CACNB1: variants seen among roughly 807,000 people sequenced by gnomAD.
The protein encoded by CACNB1 is voltage-dependent L-type calcium channel subunit beta-1.
A neutral mutation model predicts 71.6 loss-of-function variants in CACNB1; 29 were observed. That is an observed-to-expected ratio of 0.40 (90% CI 0.30 to 0.55). The LOEUF is 0.55. CACNB1 is among the 20% of genes least tolerant of loss of function. CACNB1 has a pLI of 0.38. For missense variants in CACNB1, 623 were observed against 801.8 expected, an observed-to-expected ratio of 0.78 and a Z score of 2.69; for synonymous variants, 300 against 319.6, an observed-to-expected ratio of 0.94 and a Z score of 0.65.
chr17:39,185,733 C>T (rs140103608), intron 6 of CACNB1, among the ~76,000 whole-genome samples: 2 of 152,140 alleles, frequency 1.3e-5, no homozygotes, highest in African/African-American at 4.8e-5. Flanking sequence ...TGGGGGCAAC[C>T]TTCCAAGGGC....
chr17:39,184,645 G>T, intron 8 of CACNB1, 139 bp downstream of exon 8: 1 of 677,768 alleles, frequency 1.5e-6, no homozygotes, highest in Non-Finnish European at 2.6e-6. Context: ...TGTGGATTGG[G>T]CCCCCTGGGG....
chr17:39,180,442 G>T (rs1450411222), intron 11 of CACNB1, among the ~76,000 whole-genome samples: 1 of 151,800 alleles, frequency 6.6e-6, no homozygotes, highest in Admixed American at 6.6e-5. Flanking sequence ...ATCTTTTGAG[G>T]TCGGGAGTTC....
Position 39,194,946 on chromosome 17 carries a change from G to A in CACNB1, c.109C>T (p.Arg37Ter), listed in dbSNP as rs1194456402. The change falls in exon 2 of 14, where the codon CGA becomes TGA. Residue 37 changes from arginine (R) to a stop codon, truncating the protein, a stop_gained. Transcript: ENST00000394303. LOFTEE classifies it high-confidence loss of function. The surrounding 1 kb of genome is among the most constrained non-coding windows in gnomAD (Gnocchi z 4.6). Reference sequence around the variant, plus strand: ...GTGCTCCCATCTGACCGTTTGAATCGCCCTTTCCTCTTGCTGTATTTGCCC... The same window carrying A: ...GTGCTCCCATCTGACCGTTTGAATCACCCTTTCCTCTTGCTGTATTTGCCC... Reference protein sequence around the residue: ...PQGKYSKRKGRFKRSDGSTSS... With the variant: ...PQGKYSKRKG 1 of 1,612,570 alleles carries A rather than the reference G, an allele frequency of 6.2e-7. No homozygotes were observed. Among genetic ancestry groups the A allele is most frequent in the Non-Finnish European group, 8.5e-7 (1 of 1,178,908 alleles).
rs1012602820 is a variant in CACNB1, at chr17:39,175,084, G to T, written c.*109C>A. 80 of 903,448 alleles carry T rather than the reference G, an allele frequency of 8.9e-5. No individual in the cohort carries two copies. The highest frequency in any genetic ancestry group is 5.1e-4 in the East Asian group (21 of 41,184). The allele number at this position is 903,448 out of a possible 1,614,324, so 56.0% of individuals were successfully genotyped here. ...AAGCTTTGAGCAAAGGCATCTGAAA[G>T]GAGGGAGACAGCGCCCCCTGGAGGC... On this transcript the variant is annotated 3_prime_UTR_variant, in exon 14 of 14. Transcript: ENST00000394303. The surrounding 1 kb of genome is among the most constrained non-coding windows in gnomAD (Gnocchi z 4.7).
chr17:39,182,515 A>G (rs2045798443), intron 11 of CACNB1, among the ~76,000 whole-genome samples: 1 of 151,826 alleles, frequency 6.6e-6, no homozygotes, highest in Non-Finnish European at 1.5e-5. Flanking sequence ...CCTGGCCAAC[A>G]TGGTGAAACC....
chr17:39,184,037 T>C lies in CACNB1; in HGVS notation c.892A>G (p.Ser298Gly), dbSNP rs757968830. 1 of 1,610,646 alleles carries C rather than the reference T, an allele frequency of 6.2e-7. No individual in the cohort carries two copies. Among genetic ancestry groups the C allele is most frequent in the Non-Finnish European group, 8.5e-7 (1 of 1,177,212 alleles). ...IIIERSNTRS[S>G]LAEVQSEIER... is the part of the protein sequence containing the mutation. ...ACAGCAGGAGTAGGCTCACCCAGGC[T>C]GGAGCGTGTGTTGGAGCGCTCAATG... Residue 298 changes from serine (S) to glycine (G), a missense_variant, in exon 10 of 14, where the codon AGC becomes GGC. Ser to Gly is a moderately conservative substitution (Grantham distance 56). Transcript: ENST00000394303.
chr17:39,175,301 C>T lies in CACNB1; in HGVS notation c.1689G>A (p.Arg563=). The change falls in exon 14 of 14, where the codon CGG becomes CGA. Residue 563 remains arginine (R), a synonymous_variant. Coordinates refer to ENST00000394303, the MANE Select transcript of CACNB1 (RefSeq NM_000723.5). The surrounding 1 kb of genome is among the most constrained non-coding windows in gnomAD (Gnocchi z 4.7). ...EDYEEELTDN[R]NRGRNKARYC... is the part of the protein sequence containing the mutation. ...AGCGGGCCTTATTCCGGCCCCGGTT[C>T]CGGTTGTCGGTCAGCTCTTCCTCAT... 1 of 1,614,184 alleles carries T rather than the reference C, an allele frequency of 6.2e-7. No homozygotes were observed. The highest frequency in any genetic ancestry group is 8.5e-7 in the Non-Finnish European group (1 of 1,180,028).
At chr17:39,195,662 G>A (rs966982925) in intron 1 of CACNB1, among the ~76,000 whole-genome samples, 25 of 152,140 alleles carry the variant, frequency 1.6e-4, no homozygotes, top group Non-Finnish European at 2.8e-4. Flanking sequence ...CTCATCCCTT[G>A]CCCAGACAGG....
chr17:39,184,948 G>T, intron 7 of CACNB1, 84 bp from the exon 8 acceptor site: 1 of 1,105,384 alleles, frequency 9.0e-7, no homozygotes, highest in Non-Finnish European at 1.4e-6. Context: ...CCCCCATGCA[G>T]CCTTCCCCCA....
At chr17:39,178,599 T>C (rs1234692040) in intron 11 of CACNB1, among the ~76,000 whole-genome samples, 1 of 152,022 alleles carries the variant, frequency 6.6e-6, no homozygotes, top group African/African-American at 2.4e-5. Context: ...CCCAGGCTGG[T>C]CTGAAACTCC....
chr17:39,185,901 G>T lies in CACNB1; in HGVS notation c.628+595C>A, dbSNP rs776257192. 1.9e-6 allele frequency: 3 copies of T among 1,580,578 alleles called. No individual in the cohort carries two copies. The African/African-American group carries it at 4.0e-5, about 21-fold the overall frequency. On this transcript the variant is annotated intron_variant, in intron 6 of 13. Coordinates refer to ENST00000394303, the MANE Select transcript of CACNB1 (RefSeq NM_000723.5). The stretch of plus-strand genomic sequence containing the variant: ...TTACAGCCCCCTTCCCTCCACCAAA[G>T]TGCTGGCCCTGACTCCCCCACCTCT...
rs1375032337 is a variant in CACNB1 at position 39,174,662 on chromosome 17, T to C, written c.*531A>G. ...AGCTCCCCATGGGGTGTCCATGCTA[T>C]GGCTTTCACCGACCAGACGATGCTG... On this transcript the variant is annotated 3_prime_UTR_variant, in exon 14 of 14. Coordinates refer to ENST00000394303, the MANE Select transcript of CACNB1 (RefSeq NM_000723.5). The C allele has an allele frequency of 6.5e-6, 1 of 154,498 alleles. No individual in the cohort carries two copies. Among genetic ancestry groups the C allele is most frequent in the Non-Finnish European group, 1.4e-5 (1 of 69,688 alleles). 9.6% of individuals were successfully genotyped at this position (154,498 alleles called of 1,614,324 possible).
At chr17:39,185,003 G>A in intron 7 of CACNB1, 128 bp downstream of exon 7, 1 of 1,007,956 alleles carries the variant, frequency 9.9e-7, no homozygotes, top group Non-Finnish European at 1.6e-6. Flanking sequence ...TGGGGGTGGG[G>A]AGGGATGGCC....
chr17:39,184,263 C>T, intron 9 of CACNB1, 62 bp downstream of exon 9: 1 of 1,312,304 alleles, frequency 7.6e-7, no homozygotes, highest in Non-Finnish European at 1.1e-6. Context: ...TTCGAGGCAT[C>T]CTGCCCATCC....
At chr17:39,193,785 C>T in intron 2 of CACNB1, 2 of 201,994 alleles carry the variant, frequency 9.9e-6, no homozygotes, top group South Asian at 1.2e-4. Context: ...TTCTTCCCAG[C>T]CCTGGCCATG....
In CACNB1 at chr17:39,177,476, C is replaced by T. The variant is rs771166354; in HGVS notation, c.1206G>A (p.Ala402=). Residue 402 remains alanine, a synonymous_variant, in exon 13 of 14, where the codon GCG becomes GCA. Coordinates refer to ENST00000394303, the MANE Select transcript of CACNB1 (RefSeq NM_000723.5). ...CCTTCCAATAGGCTTCCAAGTACTC[C>T]GCCAGATGCTCGCAGGCATCCTCCA... is the stretch of plus-strand genomic sequence containing the variant. ...NQLEDACEHL[A]EYLEAYWKAT... The T allele has an allele frequency of 3.7e-6, 6 of 1,610,212 alleles. No individual in the cohort carries two copies. Among genetic ancestry groups the T allele is most frequent in the Admixed American group, 1.7e-5 (1 of 59,840 alleles).
At chr17:39,176,862 C>T (rs1366287966) in intron 13 of CACNB1, among the ~76,000 whole-genome samples, 1 of 152,078 alleles carries the variant, frequency 6.6e-6, no homozygotes, top group Non-Finnish European at 1.5e-5. Context: ...TCTTGAGGGG[C>T]CTTGTGGAGT....
rs2045950429 is a variant in CACNB1 at position 39,186,733 on chromosome 17, C to T, written c.551+60G>A. On this transcript the variant is annotated intron_variant, in intron 5 of 13. Transcript: ENST00000394303. This position sits in a 1 kb window ranked among gnomAD's most constrained non-coding sequence, Gnocchi z 4.1. Reference sequence around the variant, plus strand: ...CAGGGACAACCATTGAGGCCTAGTCCAGGCTGTATGGCCTCTCCTGGGGTT... The same window carrying T: ...CAGGGACAACCATTGAGGCCTAGTCTAGGCTGTATGGCCTCTCCTGGGGTT... The T allele has an allele frequency of 1.9e-6, 3 of 1,602,290 alleles. No homozygotes were observed. Among genetic ancestry groups the T allele is most frequent in the Non-Finnish European group, 2.6e-6 (3 of 1,171,222 alleles).
chr17:39,185,885 C>T (rs1597703038), intron 6 of CACNB1: 1 of 1,540,634 alleles, frequency 6.5e-7, no homozygotes, highest in Non-Finnish European at 8.8e-7. Flanking sequence ...ATTACAGCCC[C>T]CTTCCCTCCA....
Sources: gnomAD v4.1 joint callset for allele counts (sites outside exome capture counted in the v4.1 genomes callset) on GRCh38, gnomAD v4.1.1 for gene constraint, Gnocchi (gnomAD v3.1) non-coding constraint, MANE v1.5 for transcripts, NCBI Gene and HGNC (gene_info 2026-07-23, HGNC 2026-07-21) for gene names.